The following GAK variants were observed in gnomAD, a reference collection of about 807,000 sequenced individuals.
The protein encoded by GAK is cyclin-G-associated kinase.
In GAK, 79 loss-of-function variants were observed where a neutral mutation model predicts 143.9. The observed-to-expected ratio is 0.55, with a 90% CI of 0.46 to 0.66. GAK has a LOEUF of 0.66. Among genes scored for constraint, GAK ranks in the 30% least tolerant of loss-of-function variants. The pLI, the probability that GAK is intolerant of heterozygous loss-of-function variation, is 0.00. For missense variants in GAK, 1,693 were observed against 1,779.7 expected, an observed-to-expected ratio of 0.95 and a Z score of 0.88; for synonymous variants, 881 against 765.5, an observed-to-expected ratio of 1.15 and a Z score of -2.49.
chr4:877,247 C>G, intron 16 of GAK, 40 bp from the exon 17 acceptor site: 1 of 1,323,448 alleles, frequency 7.6e-7, no homozygotes, highest in Non-Finnish European at 1.1e-6. Context: ...TAAAAACCCC[C>G]AAAACCAACC....
chr4:888,648 G>A (rs1717031161), intron 11 of GAK, 199 bp downstream of exon 11: 1 of 628,254 alleles, frequency 1.6e-6, no homozygotes, highest in South Asian at 2.1e-5. Flanking sequence ...GCGATGAAAG[G>A]AAAGGGATCT....
intron 7 of GAK, 67 bp downstream of exon 7, chr4:896,393 C>T: frequency 7.9e-7 from 1 of 1,272,496 alleles, no homozygotes; most frequent in Non-Finnish European, 1.1e-6. Flanking sequence ...GTGCCCGGCC[C>T]ACGCCGCCTC....
intron 4 of GAK, among the ~76,000 whole-genome samples, chr4:909,524 G>A (rs1191219740): frequency 1.3e-5 from 2 of 152,174 alleles, no homozygotes; most frequent in East Asian, 1.9e-4. Flanking sequence ...GGCCGGGAGC[G>A]GCGTGTCAGG....
intron 1 of GAK, among the ~76,000 whole-genome samples, chr4:916,257 A>G (rs955121407): frequency 4.6e-5 from 7 of 152,214 alleles, no homozygotes; most frequent in African/African-American, 1.7e-4. Flanking sequence ...AATCCAAGTA[A>G]CAACAATTTT....
At chr4:897,245 G>A (rs1718978947) in intron 6 of GAK, among the ~76,000 whole-genome samples, 1 of 152,238 alleles carries the variant, frequency 6.6e-6, no homozygotes, top group Admixed American at 6.5e-5. Context: ...CAGTTATACA[G>A]CAGGACAGCG....
At chr4:910,864 G>C (rs961488512) in intron 4 of GAK, among the ~76,000 whole-genome samples, 1 of 152,150 alleles carries the variant, frequency 6.6e-6, no homozygotes, top group Non-Finnish European at 1.5e-5. Context: ...AGGAGTTCTG[G>C]AGGGCATCGG....
chr4:911,489 C>G (rs919049696), intron 4 of GAK, among the ~76,000 whole-genome samples, 184 bp downstream of exon 4: 2 of 152,252 alleles, frequency 1.3e-5, no homozygotes, highest in African/African-American at 4.8e-5. Context: ...GGGAAGCTCA[C>G]TGGGCGTCAG....
intron 27 of GAK, 54 bp downstream of exon 27, chr4:849,838 C>CT: frequency 9.1e-7 from 1 of 1,104,920 alleles, no homozygotes; most frequent in Non-Finnish European, 1.3e-6. Context: ...GGCAGGACCC[C>CT]CCCCCCGCCC....
At position 893,878 on chromosome 4, in the gene GAK, G is replaced by A. The variant is rs903626018; in HGVS notation, c.873C>T (p.Leu291=). The change falls in exon 8 of 28, where the codon CTC becomes CTT. Residue 291 remains leucine (L), a synonymous_variant. Coordinates refer to ENST00000314167, the MANE Select transcript of GAK (RefSeq NM_005255.4). The part of the protein sequence containing the change: ...HDTQYTVFHS[L]IRAMLQVNPE... ...ACGCATTCCACCGGGACTTACGGATGAGGCTGTGGAAGACCGTGTACTGCG... is the reference window on the plus strand; with the variant it reads ...ACGCATTCCACCGGGACTTACGGATAAGGCTGTGGAAGACCGTGTACTGCG... 1.3e-6 allele frequency: 2 copies of A among 1,589,474 alleles called. No homozygotes were observed. Among genetic ancestry groups the A allele is most frequent in the Non-Finnish European group, 1.7e-6 (2 of 1,165,646 alleles).
intron 1 of GAK, among the ~76,000 whole-genome samples, chr4:920,467 A>G (rs1470752356): frequency 6.6e-6 from 1 of 151,974 alleles, no homozygotes; most frequent in African/African-American, 2.4e-5. Flanking sequence ...CGCCACCAGG[A>G]AGGAGAAGGT....
Position 904,778 on chromosome 4 carries a change from C to G in GAK, c.384G>C (p.Gly128=), listed in dbSNP as rs1720763315. 6.2e-7 allele frequency: 1 copy of G among 1,613,684 alleles called. No homozygotes were observed. Among genetic ancestry groups the G allele is most frequent in the African/African-American group, 1.3e-5 (1 of 74,938 alleles). Residue 128 remains glycine, a splice_region_variant and synonymous_variant, in exon 5 of 28, where the codon GGG becomes GGC. Coordinates refer to ENST00000314167, the MANE Select transcript of GAK (RefSeq NM_005255.4). ...EFLLLTELCK[G]QLVEFLKKME... ...TTTTCTTCAAAAATTCCACCAGCTGCCCTAAAAGAGAATGAAACTCACATG... is the reference window on the plus strand; with the variant it reads ...TTTTCTTCAAAAATTCCACCAGCTGGCCTAAAAGAGAATGAAACTCACATG...
chr4:916,466 G>A (rs1204793520), intron 1 of GAK, among the ~76,000 whole-genome samples: 1 of 152,152 alleles, frequency 6.6e-6, no homozygotes, highest in African/African-American at 2.4e-5. Context: ...AGTTGCCCAG[G>A]CGGGTCTAGC....
At chr4:897,951 C>T (rs1287737056) in intron 6 of GAK, 82 bp downstream of exon 6, 26 of 1,451,038 alleles carry the variant, frequency 1.8e-5, no homozygotes, top group Admixed American at 9.1e-5. Context: ...CAAAGCACCC[C>T]GGCGGAAAAC....
intron 13 of GAK, 39 bp downstream of exon 13, chr4:883,276 C>A: frequency 6.2e-7 from 1 of 1,606,848 alleles, no homozygotes. Flanking sequence ...CGGAAGGAAG[C>A]TCCAGAGTGG....
intron 6 of GAK, among the ~76,000 whole-genome samples, chr4:897,042 T>C (rs1427697681): frequency 1.3e-5 from 2 of 152,208 alleles, no homozygotes; most frequent in Non-Finnish European, 2.9e-5. Flanking sequence ...ACGGAGGCAC[T>C]TGCGAGAGGC....
chr4:912,756 G>T lies in GAK; in HGVS notation c.246C>A (p.Ile82=), dbSNP rs1226288853. 6.2e-7 allele frequency: 1 copy of T among 1,613,864 alleles called. No homozygotes were observed. The highest frequency in any genetic ancestry group is 2.2e-5 in the East Asian group (1 of 44,878). ...ATACCATGAAGCAAACTTCTTGAAT[G>T]ATGGCTCTGTTCTTTTCCTCTTCAT... ...LSNEEEKNRA[I]IQEVCFMKKL... is the part of the protein sequence containing the mutation. Residue 82 remains isoleucine, a synonymous_variant, in exon 3 of 28, where the codon ATC becomes ATA. Transcript: ENST00000314167.
In GAK at chr4:913,632, C is replaced by A; in HGVS notation, c.182G>T (p.Gly61Val). 1 of 1,613,716 alleles carries A rather than the reference C, an allele frequency of 6.2e-7. No homozygotes were observed. The highest frequency in any genetic ancestry group is 8.5e-7 in the Non-Finnish European group (1 of 1,179,672). Reference sequence around the variant, plus strand: ...CTTTAATGCATACTCTCTGCCACTCCCCACATCTTGAGCTTCATACACAAA... The same window carrying A: ...CTTTAATGCATACTCTCTGCCACTCACCACATCTTGAGCTTCATACACAAA... ...FAFVYEAQDV[G>V]SGREYALKRL... Residue 61 changes from glycine (G) to valine (V), a missense_variant, in exon 2 of 28, where the codon GGG (glycine) becomes GTG (valine). By Grantham distance (109) the Gly-to-Val change is moderately radical. Coordinates refer to ENST00000314167, the MANE Select transcript of GAK (RefSeq NM_005255.4).
rs751924328 is a variant in GAK at position 876,544 on chromosome 4, A to T, written c.2040T>A (p.Thr680=). Residue 680 remains threonine (T), a synonymous_variant, in exon 18 of 28, where the codon ACT becomes ACA. Transcript: ENST00000314167. ...HTGFVPRNAT[T]VKFAKYDLDA... is the part of the protein sequence containing the mutation. ...TACCAACGTACTTGGCAAATTTCAC[A>T]GTGGTGGCGTTCCGAGGCACAAACC... The T allele has an allele frequency of 6.2e-7, 1 of 1,614,074 alleles. No individual in the cohort carries two copies. Among genetic ancestry groups the T allele is most frequent in the Non-Finnish European group, 8.5e-7 (1 of 1,179,962 alleles).
intron 3 of GAK, 176 bp from the exon 4 acceptor site, chr4:911,963 GCAGA>G (rs1722121640): frequency 3.7e-6 from 2 of 536,536 alleles, no homozygotes; most frequent in Admixed American, 2.4e-5. Context: ...CGAGAGAAAG[GCAGA>G]CAGAGGCAGG....
Sources: allele counts gnomAD v4.1 joint callset (sites outside exome capture counted in the v4.1 genomes callset), GRCh38; gene constraint gnomAD v4.1.1; transcripts MANE v1.5; gene names NCBI Gene and HGNC (gene_info 2026-07-23, HGNC 2026-07-21).